The following PTPRN2 variants were observed in gnomAD, a reference collection of about 807,000 sequenced individuals.
PTPRN2 encodes protein tyrosine phosphatase receptor type N2.
Under a neutral mutation model 118.8 loss-of-function variants are expected in PTPRN2, and 74 were observed. The ratio of observed to expected loss-of-function variants is 0.62; its 90% CI spans 0.52 to 0.76. PTPRN2 has a LOEUF of 0.76. PTPRN2 is among the 30% of genes least tolerant of loss of function. PTPRN2 has a pLI of 0.00. For synonymous variants in PTPRN2, 641 were observed against 608.0 expected (o/e 1.05, Z -0.80); for missense variants, 1,481 against 1,394.4 (o/e 1.06, Z -0.99).
chr7:158,188,051 G>A (rs906162031), intron 5 of PTPRN2, among the ~76,000 whole-genome samples: 2 of 151,886 alleles, frequency 1.3e-5, no homozygotes, highest in African/African-American at 4.8e-5. Flanking sequence ...GCAGCCCTGG[G>A]GAGCGGCAGG....
At position 157,848,841 on chromosome 7, in the gene PTPRN2, G is replaced by A. The variant is rs114405755; in HGVS notation, c.1788+49832C>T. On this transcript the variant is annotated intron_variant, in intron 12 of 22. Transcript: ENST00000389418. ...CTATAGTGGTGCAGCCAGCAGCCCCGACGCCTCTGCAGTCCCAGACCCAGG... is the reference window on the plus strand; with the variant it reads ...CTATAGTGGTGCAGCCAGCAGCCCCAACGCCTCTGCAGTCCCAGACCCAGG... Among the ~76,000 whole-genome samples, 1,447 of 152,312 alleles carry A rather than the reference G, an allele frequency of 9.5e-3. 21 individuals carry two copies. Among genetic ancestry groups the A allele is most frequent in the African/African-American group, 0.033 (1,375 of 41,576 alleles).
At chr7:158,539,953 C>T (rs892190302) in intron 1 of PTPRN2, 8 of 242,174 alleles carry the variant, frequency 3.3e-5, no homozygotes, top group Non-Finnish European at 4.9e-5. Context: ...TGGAACCGGA[C>T]GGTGCACTGT....
intron 11 of PTPRN2, among the ~76,000 whole-genome samples, chr7:157,938,639 T>C (rs1799866137): frequency 6.6e-6 from 1 of 152,098 alleles, no homozygotes; most frequent in South Asian, 2.1e-4. Context: ...TCTTACCACA[T>C]AGACAAATTA....
In PTPRN2 at chr7:158,433,851, T is replaced by C. The variant is rs1294143198; in HGVS notation, c.163+55884A>G. Among the ~76,000 whole-genome samples, 4 of 152,206 alleles carry C rather than the reference T, an allele frequency of 2.6e-5. No homozygotes were observed. In the South Asian group the frequency reaches 8.3e-4, roughly 32 times the overall value. On this transcript the variant is annotated intron_variant, in intron 2 of 22. Transcript: ENST00000389418. Reference sequence around the variant, plus strand: ...ATTTCTAACCATAGCTTTAACTTGATCCCAAAATTCCCAAAATTGTTTAAT... The same window carrying C: ...ATTTCTAACCATAGCTTTAACTTGACCCCAAAATTCCCAAAATTGTTTAAT...
At chr7:157,655,061 C>A (rs901035428) in intron 14 of PTPRN2, among the ~76,000 whole-genome samples, 1 of 152,246 alleles carries the variant, frequency 6.6e-6, no homozygotes, top group East Asian at 1.9e-4. Flanking sequence ...ACAGGTCTGC[C>A]GAGTGAACTC....
chr7:158,055,380 A>G (rs564146104), intron 11 of PTPRN2, among the ~76,000 whole-genome samples: 4 of 152,270 alleles, frequency 2.6e-5, no homozygotes, highest in South Asian at 2.1e-4. Context: ...CGTCAGTGCC[A>G]AGGAAAAACA....
At chr7:158,172,117 G>A (rs1357949984) in intron 5 of PTPRN2, among the ~76,000 whole-genome samples, 1 of 152,116 alleles carries the variant, frequency 6.6e-6, no homozygotes, top group Non-Finnish European at 1.5e-5. Context: ...ACGAGAAGCA[G>A]AACCCACTCG....
intron 2 of PTPRN2, among the ~76,000 whole-genome samples, chr7:158,449,634 C>T (rs1460730994): frequency 1.3e-5 from 2 of 152,184 alleles, no homozygotes; most frequent in Admixed American, 6.5e-5. Context: ...TAGTCAGGAA[C>T]ATTTGGAGGA....
At chr7:158,559,607 C>T (rs544311365) in intron 1 of PTPRN2, among the ~76,000 whole-genome samples, 19 of 152,304 alleles carry the variant, frequency 1.2e-4, no homozygotes, top group Non-Finnish European at 2.5e-4. Context: ...GCGGGGATAC[C>T]TCACCCAGCC....
chr7:158,324,104 TGCACACAA>T (rs1464265155), intron 2 of PTPRN2, among the ~76,000 whole-genome samples: 1 of 151,718 alleles, frequency 6.6e-6, no homozygotes, highest in East Asian at 1.9e-4. Flanking sequence ...CATATACAGG[TGCACACAA>T]GCGCACATGC....
intron 11 of PTPRN2, among the ~76,000 whole-genome samples, chr7:158,038,526 TA>T (rs1808233649): frequency 6.6e-6 from 1 of 151,870 alleles, no homozygotes; most frequent in Non-Finnish European, 1.5e-5. Flanking sequence ...AAAGACACCA[TA>T]AAAAAGATAA....
chr7:158,489,807 A>T (rs1018613668), intron 1 of PTPRN2, 22 bp from the exon 2 acceptor site: 3 of 1,561,574 alleles, frequency 1.9e-6, no homozygotes, highest in Non-Finnish European at 2.6e-6. Context: ...CAGAGAAGAG[A>T]CGCGGTCAGC....
In PTPRN2 at chr7:158,262,618, CACAT is replaced by C. The variant is rs547930541; in HGVS notation, c.277+54197_277+54200del. On this transcript the variant is annotated intron_variant, in intron 3 of 22. Coordinates refer to ENST00000389418, the MANE Select transcript of PTPRN2 (RefSeq NM_002847.5). ...CACACATTCACACACACTGCACACA[CACAT>C]ACATTCACACTGCAAACATTCACTG... is the stretch of plus-strand genomic sequence containing the variant. 3.9e-3 allele frequency among the ~76,000 whole-genome samples: 575 copies of C among 148,328 alleles called. 7 individuals are homozygous for C. Among genetic ancestry groups the C allele is most frequent in the South Asian group, 0.025 (117 of 4,624 alleles).
chr7:158,244,429 CTG>C (rs921167909), intron 3 of PTPRN2, among the ~76,000 whole-genome samples: 6 of 152,176 alleles, frequency 3.9e-5, no homozygotes, highest in Non-Finnish European at 8.8e-5. Context: ...AGACAGTGAG[CTG>C]TGTGTTTTGC....
At chr7:157,943,626 C>G (rs1230413870) in intron 11 of PTPRN2, among the ~76,000 whole-genome samples, 1 of 151,754 alleles carries the variant, frequency 6.6e-6, no homozygotes, top group African/African-American at 2.4e-5. Context: ...ATGCTGAAAC[C>G]CCCTCCCAAG....
intron 12 of PTPRN2, among the ~76,000 whole-genome samples, chr7:157,698,646 C>G (rs1166773803): frequency 6.6e-6 from 1 of 152,214 alleles, no homozygotes; most frequent in South Asian, 2.1e-4. Context: ...TGAAAAAATA[C>G]TGTTCATAAG....
At chr7:157,937,416 G>A (rs1461497157) in intron 11 of PTPRN2, among the ~76,000 whole-genome samples, 2 of 152,244 alleles carry the variant, frequency 1.3e-5, no homozygotes, top group Non-Finnish European at 2.9e-5. Context: ...TGAAAGGTGC[G>A]GGAATAGGCA....
intron 2 of PTPRN2, among the ~76,000 whole-genome samples, chr7:158,455,756 AACGGC>A (rs1818411405): frequency 4.1e-5 from 6 of 147,984 alleles, no homozygotes; most frequent in Admixed American, 1.3e-4. Context: ...CAGAGAAGAC[AACGGC>A]ATGGACGCCA....
In PTPRN2 at chr7:157,801,482, A is replaced by T. The variant is rs918997247; in HGVS notation, c.1788+97191T>A. Among the ~76,000 whole-genome samples, 1 of 152,108 alleles carries T rather than the reference A, an allele frequency of 6.6e-6. No homozygotes were observed. Among genetic ancestry groups the T allele is most frequent in the Non-Finnish European group, 1.5e-5 (1 of 68,024 alleles). ...GAGAGCAGCTGCATGGATTTTTTTAATGTCAAATTCCATATGAAACAGCAC... is the reference window on the plus strand; with the variant it reads ...GAGAGCAGCTGCATGGATTTTTTTATTGTCAAATTCCATATGAAACAGCAC... On this transcript the variant is annotated intron_variant, in intron 12 of 22. Transcript: ENST00000389418. This position sits in a 1 kb window ranked among gnomAD's most constrained non-coding sequence, Gnocchi z 4.2.
Sources: allele counts gnomAD v4.1 joint callset (sites outside exome capture counted in the v4.1 genomes callset), GRCh38; gene constraint gnomAD v4.1.1; non-coding constraint Gnocchi (gnomAD v3.1); transcripts MANE v1.5; gene names NCBI Gene and HGNC (gene_info 2026-07-23, HGNC 2026-07-21).